SERPINI2: variants seen among roughly 807,000 people sequenced by gnomAD.
SERPINI2 encodes the protein serpin I2.
A neutral mutation model predicts 47.3 loss-of-function variants in SERPINI2; 48 were observed. The ratio of observed to expected loss-of-function variants is 1.02; its 90% confidence interval spans 0.81 to 1.29. The LOEUF (loss-of-function observed/expected upper bound fraction) is 1.29, where lower values mean the gene tolerates loss of function less well. SERPINI2 is among the 50% of genes most tolerant of loss of function. The pLI, the probability that SERPINI2 is intolerant of heterozygous loss-of-function variation, is 0.00. For synonymous variants in SERPINI2, 135 were observed against 149.3 expected, an observed-to-expected ratio of 0.90 and a Z score of 0.70; for missense variants, 448 against 456.9, an observed-to-expected ratio of 0.98 and a Z score of 0.18.
intron 1 of SERPINI2, among the ~76,000 whole-genome samples, chr3:167,472,352 T>G (rs1348221351): frequency 6.6e-6 from 1 of 152,014 alleles, no homozygotes; most frequent in East Asian, 1.9e-4. Flanking sequence ...TCTGGCTAAC[T>G]TTTTACAATT....
In SERPINI2 at chr3:167,452,290, G is replaced by A. The variant is rs142564687; in HGVS notation, c.964+646C>T. On this transcript the variant is annotated intron_variant, in intron 6 of 8. Coordinates refer to ENST00000264677, the Ensembl canonical transcript of SERPINI2. ...GGCTCTCTTCATCCATTTTTTTAGC[G>A]AGTTATTTTTGAACTAGTGTGTACC... Among the ~76,000 whole-genome samples, 1,482 of 152,138 alleles carry A rather than the reference G, an allele frequency of 9.7e-3. 8 individuals are homozygous for A. Among genetic ancestry groups the A allele is most frequent in the Non-Finnish European group, 0.014 (973 of 67,986 alleles).
intron 5 of SERPINI2, among the ~76,000 whole-genome samples, chr3:167,453,656 T>TTG (rs1560231677): frequency 2.0e-5 from 1 of 49,116 alleles, no homozygotes; most frequent in Non-Finnish European, 4.2e-5. Context: ...ATTACAGGAG[T>TTG]GGGGGGGGGT....
At chr3:167,459,551 G>A (rs2108163451) in intron 5 of SERPINI2, among the ~76,000 whole-genome samples, 1 of 151,898 alleles carries the variant, frequency 6.6e-6, no homozygotes, top group Non-Finnish European at 1.5e-5. Flanking sequence ...TATCTTATTG[G>A]CCTCAATTCT....
intron 2 of SERPINI2, among the ~76,000 whole-genome samples, chr3:167,471,102 A>G (rs977168783): frequency 1.3e-5 from 2 of 152,172 alleles, no homozygotes; most frequent in Admixed American, 1.3e-4. Flanking sequence ...GTTGGAAACA[A>G]CCTACTGAAG....
intron 6 of SERPINI2, among the ~76,000 whole-genome samples, chr3:167,449,918 G>A (rs1012980512): frequency 6.6e-6 from 1 of 152,222 alleles, no homozygotes; most frequent in African/African-American, 2.4e-5. Flanking sequence ...TATATACAGA[G>A]AGAGATCAAG....
intron 2 of SERPINI2, among the ~76,000 whole-genome samples, chr3:167,468,628 T>G (rs944206178): frequency 2.6e-5 from 4 of 152,308 alleles, no homozygotes; most frequent in African/African-American, 9.6e-5. Context: ...AAAACTTACT[T>G]CCATATGATT....
chr3:167,450,437 A>C (rs1053627758), intron 6 of SERPINI2, among the ~76,000 whole-genome samples: 1 of 152,210 alleles, frequency 6.6e-6, no homozygotes, highest in Non-Finnish European at 1.5e-5. Flanking sequence ...AGCCATGTCA[A>C]GCTGGCCTTG....
At chr3:167,442,503 G>A (rs9848915) in intron 8 of SERPINI2, among the ~76,000 whole-genome samples, 29,049 of 151,998 alleles carry the variant, frequency 0.19, 4,124 homozygotes, top group African/African-American at 0.39. Flanking sequence ...GACCCAGTCC[G>A]GAGAACATAG....
chr3:167,452,480 G>A (rs576903870), intron 6 of SERPINI2, among the ~76,000 whole-genome samples: 12 of 152,298 alleles, frequency 7.9e-5, no homozygotes, highest in Admixed American at 2.0e-4. Flanking sequence ...AAGCTGTAGC[G>A]TTACAATTTC....
chr3:167,467,000 T>C, intron 3 of SERPINI2, 55 bp downstream of exon 3: 1 of 1,324,656 alleles, frequency 7.5e-7, no homozygotes. Context: ...TTTAGGATAT[T>C]AAAAACCATG....
intron 6 of SERPINI2, among the ~76,000 whole-genome samples, chr3:167,449,869 T>C (rs1207575452): frequency 3.3e-5 from 5 of 152,230 alleles, no homozygotes; most frequent in African/African-American, 4.8e-5. Flanking sequence ...TTGCAACAGA[T>C]AAAGGTGATT....
upstream of SERPINI2, among the ~76,000 whole-genome samples, chr3:167,474,646 A>G (rs1039150534): frequency 6.6e-6 from 1 of 151,758 alleles, no homozygotes; most frequent in Non-Finnish European, 1.5e-5. Context: ...TTGCCAAAAT[A>G]TATCAGGACA....
chr3:167,453,178 C>T, intron 5 of SERPINI2, 145 bp from the exon 6 acceptor site: 3 of 499,782 alleles, frequency 6.0e-6, no homozygotes, highest in Non-Finnish European at 1.1e-5. Flanking sequence ...CATTTCACAC[C>T]ATTTTCCCCG....
chr3:167,465,359 T>A, exon 5 of SERPINI2: 1 of 1,609,136 alleles, frequency 6.2e-7, no homozygotes, highest in Non-Finnish European at 8.5e-7. Flanking sequence ...GTAAGACAAT[T>A]CTAAAACTTG....
At chr3:167,443,331 T>G (rs1376992535) in intron 8 of SERPINI2, among the ~76,000 whole-genome samples, 2 of 152,146 alleles carry the variant, frequency 1.3e-5, no homozygotes, top group Non-Finnish European at 2.9e-5. Context: ...ATGGTCTCGA[T>G]CTCCTGACCT....
chr3:167,451,961 T>C (rs1036011088), intron 6 of SERPINI2, among the ~76,000 whole-genome samples: 1 of 152,180 alleles, frequency 6.6e-6, no homozygotes, highest in African/African-American at 2.4e-5. Context: ...TATCTGTCAG[T>C]GTGAGAACGA....
chr3:167,451,813 G>A (rs1325258728), intron 6 of SERPINI2, among the ~76,000 whole-genome samples: 3 of 152,168 alleles, frequency 2.0e-5, no homozygotes, highest in African/African-American at 7.2e-5. Flanking sequence ...AAAAGGAAGT[G>A]CATGAAAAAT....
At chr3:167,476,952 C>T (rs965656401), upstream of SERPINI2, among the ~76,000 whole-genome samples, 12 of 151,886 alleles carry the variant, frequency 7.9e-5, no homozygotes, top group African/African-American at 2.9e-4. Flanking sequence ...GATTTCACTC[C>T]ATTGTACTAT....
intron 2 of SERPINI2, among the ~76,000 whole-genome samples, chr3:167,470,224 T>C (rs1577179192): frequency 6.6e-6 from 1 of 152,336 alleles, no homozygotes; most frequent in African/African-American, 2.4e-5. Context: ...AAATCTGGAA[T>C]ACATTGGCTT....
Sources: allele counts gnomAD v4.1 joint callset (sites outside exome capture counted in the v4.1 genomes callset), GRCh38; gene constraint gnomAD v4.1.1; transcripts MANE v1.5; gene names NCBI Gene and HGNC (gene_info 2026-07-23, HGNC 2026-07-21).